CENPH: variants seen among roughly 807,000 people sequenced by gnomAD.
The protein encoded by CENPH is centromere protein H, also known as CENP-H.
A neutral mutation model predicts 42.9 loss-of-function variants in CENPH; 40 were observed. That is an observed-to-expected ratio of 0.93 (90% confidence interval 0.72 to 1.21). The LOEUF is 1.21. Among genes scored for constraint, CENPH ranks in the 50% most tolerant of loss-of-function variants. The pLI is 0.00. For synonymous variants in CENPH, 88 were observed against 96.5 expected, an observed-to-expected ratio of 0.91 and a Z score of 0.52; for missense variants, 302 against 292.9, an observed-to-expected ratio of 1.03 and a Z score of -0.23.
At chr5:69,205,642 T>A (rs1748142335) in intron 7 of CENPH, among the ~76,000 whole-genome samples, 1 of 151,736 alleles carries the variant, frequency 6.6e-6, no homozygotes, top group Non-Finnish European at 1.5e-5. Flanking sequence ...GCATCCCTGA[T>A]AGTTGGGACT....
intron 2 of CENPH, among the ~76,000 whole-genome samples, chr5:69,192,097 T>C (rs1269957228): frequency 1.3e-5 from 2 of 152,156 alleles, no homozygotes; most frequent in East Asian, 3.8e-4. Flanking sequence ...CCACCACACC[T>C]GGCCTCAAAT....
chr5:69,196,893 G>A (rs1747973186), intron 4 of CENPH, among the ~76,000 whole-genome samples, 160 bp from the exon 5 acceptor site: 1 of 151,980 alleles, frequency 6.6e-6, no homozygotes, highest in Non-Finnish European at 1.5e-5. Context: ...ATATTTTTGT[G>A]TTTTATTTCT....
In CENPH at chr5:69,189,867, C is replaced by T. The variant is rs1747835213; in HGVS notation, c.134+99C>T. 6.2e-6 allele frequency: 8 copies of T among 1,285,966 alleles called. No homozygotes were observed. In the South Asian group the frequency reaches 1.1e-4, roughly 18 times the overall value. 79.7% of individuals were successfully genotyped at this position (1,285,966 alleles called of 1,614,324 possible). A position where few individuals can be genotyped will look rare whatever the true frequency, so the allele number is the denominator to read the frequency against. On this transcript the variant is annotated intron_variant, in intron 1 of 8. Coordinates refer to ENST00000283006, the MANE Select transcript of CENPH (RefSeq NM_022909.4). ...GCTAGGGTTCGAATTCACGCTCGGT[C>T]ACGTCAGGTCTCCGTGATTGCCTCA... is the stretch of plus-strand genomic sequence containing the variant.
Position 69,202,448 on chromosome 5 carries a change from T to A in CENPH, c.372-58T>A, listed in dbSNP as rs564519515. The A allele has an allele frequency of 1.1e-5, 11 of 968,088 alleles. No individual in the cohort carries two copies. In the South Asian group the frequency reaches 1.5e-4, roughly 13 times the overall value. The allele number at this position is 968,088 out of a possible 1,614,324, so 60.0% of individuals were successfully genotyped here. A position where few individuals can be genotyped will look rare whatever the true frequency, so the allele number is the denominator to read the frequency against. On this transcript the variant is annotated intron_variant, in intron 5 of 8. Coordinates refer to ENST00000283006, the MANE Select transcript of CENPH (RefSeq NM_022909.4). ...TTGATTCCTTCATTAATGACAGCTA[T>A]TATTTTTAATTAAGTTACAAATAAC... is the stretch of plus-strand genomic sequence containing the variant.
chr5:69,205,702 CTT>C (rs1158243799), intron 7 of CENPH, among the ~76,000 whole-genome samples: 1,028 of 76,978 alleles, frequency 0.013, 2 homozygotes, highest in Non-Finnish European at 0.017. Flanking sequence ...CTGTAGATAT[CTT>C]TTTTTTTTTT....
chr5:69,204,842 G>A (rs2112093597), intron 7 of CENPH, among the ~76,000 whole-genome samples: 1 of 150,788 alleles, frequency 6.6e-6, no homozygotes, highest in East Asian at 1.9e-4. Flanking sequence ...CTGATCTCGT[G>A]ATTCATCCAC....
At chr5:69,204,025 T>TATATATATTTATATA (rs1748102514) in intron 7 of CENPH, among the ~76,000 whole-genome samples, 1 of 52,926 alleles carries the variant, frequency 1.9e-5, no homozygotes. Context: ...ATATAAATTA[T>TATATATATTTATATA]ATATATAATT....
chr5:69,204,960 C>T (rs2112093786), intron 7 of CENPH, among the ~76,000 whole-genome samples: 2 of 148,848 alleles, frequency 1.3e-5, no homozygotes, highest in Non-Finnish European at 3.0e-5. Flanking sequence ...CCTCTGTCGC[C>T]CAGGCTGGAG....
chr5:69,206,485 T>TTTTG (rs958617628), intron 7 of CENPH, among the ~76,000 whole-genome samples: 3 of 149,210 alleles, frequency 2.0e-5, no homozygotes, highest in Admixed American at 6.7e-5. Flanking sequence ...CCAGCCGGTG[T>TTTTG]TTTGTTTGTT....
chr5:69,197,153 C>T, intron 5 of CENPH, 44 bp downstream of exon 5: 2 of 1,206,876 alleles, frequency 1.7e-6, no homozygotes, highest in Non-Finnish European at 2.3e-6. Context: ...ATGGGATCTG[C>T]ATAGTGACTT....
intron 4 of CENPH, 90 bp from the exon 5 acceptor site, chr5:69,196,963 G>T: frequency 2.6e-6 from 2 of 759,354 alleles, no homozygotes; most frequent in South Asian, 2.1e-5. Context: ...TATATTTGAA[G>T]GGAAATCAAT....
intron 7 of CENPH, among the ~76,000 whole-genome samples, chr5:69,203,746 G>C (rs1042432347): frequency 6.6e-6 from 1 of 151,804 alleles, no homozygotes; most frequent in East Asian, 1.9e-4. Context: ...CAAGTGATCC[G>C]TCTGCCTTGG....
intron 1 of CENPH, among the ~76,000 whole-genome samples, 158 bp from the exon 2 acceptor site, chr5:69,191,637 A>G (rs1173188811): frequency 6.6e-5 from 10 of 152,204 alleles, no homozygotes; most frequent in Admixed American, 5.9e-4. Context: ...TTTAAATAAA[A>G]TGAGGCCAAA....
At chr5:69,204,051 T>TATCATATATAGAA (rs1244073988) in intron 7 of CENPH, among the ~76,000 whole-genome samples, 1 of 61,944 alleles carries the variant, frequency 1.6e-5, no homozygotes, top group African/African-American at 6.6e-5. Context: ...TATTTATATA[T>TATCATATATAGAA]TATATATATA....
At chr5:69,203,014 T>G (rs992477763) in intron 7 of CENPH, 44 bp downstream of exon 7, 1 of 1,317,654 alleles carries the variant, frequency 7.6e-7, no homozygotes, top group Non-Finnish European at 1.1e-6. Context: ...TTTTGCTTAC[T>G]TTATAGATTG....
At chr5:69,194,724 G>A (rs1302313887) in intron 3 of CENPH, 29 bp downstream of exon 3, 23 of 1,365,462 alleles carry the variant, frequency 1.7e-5, no homozygotes, top group Non-Finnish European at 2.4e-5. Context: ...TTTTGTTTAT[G>A]GTCTTTACTA....
intron 5 of CENPH, among the ~76,000 whole-genome samples, chr5:69,199,540 G>T (rs1193775301): frequency 2.0e-5 from 3 of 152,122 alleles, no homozygotes; most frequent in Admixed American, 6.6e-5. Flanking sequence ...AATTAGGGAG[G>T]GGTAAGGAAG....
Position 69,189,616 on chromosome 5 carries a change from C to A in CENPH, c.-19C>A. 1 of 1,586,744 alleles carries A rather than the reference C, an allele frequency of 6.3e-7. No homozygotes were observed. The highest frequency in any genetic ancestry group is 8.5e-7 in the Non-Finnish European group (1 of 1,170,318). ...AGCGCGTTTGCCTGTTGAGTGGTAG[C>A]CTTTCCCCTCAACCAGCAATGGAGG... is the stretch of plus-strand genomic sequence containing the variant. On this transcript the variant is annotated 5_prime_UTR_variant, in exon 1 of 9. Transcript: ENST00000283006.
intron 1 of CENPH, among the ~76,000 whole-genome samples, chr5:69,190,887 G>C (rs1342346324): frequency 2.0e-5 from 3 of 149,982 alleles, no homozygotes; most frequent in Non-Finnish European, 4.4e-5. Flanking sequence ...CAAGACTCTT[G>C]ACTCAAAAAA....
Sources: allele counts gnomAD v4.1 joint callset (sites outside exome capture counted in the v4.1 genomes callset), GRCh38; gene constraint gnomAD v4.1.1; transcripts MANE v1.5; gene names NCBI Gene and HGNC (gene_info 2026-07-23, HGNC 2026-07-21).